The following CDH18 variants were observed in gnomAD, a reference collection of about 807,000 sequenced individuals.
CDH18 encodes cadherin-18.
Under a neutral mutation model 67.9 loss-of-function variants are expected in CDH18, and 31 were observed. That is an observed-to-expected ratio of 0.46 (90% CI 0.34 to 0.62). The LOEUF (loss-of-function observed/expected upper bound fraction) is 0.62, where lower values mean the gene tolerates loss of function less well. Ranked by LOEUF, CDH18 falls within the 20% of genes least tolerant of loss-of-function variation. The pLI, the probability that CDH18 is intolerant of heterozygous loss-of-function variation, is 0.01. For missense variants in CDH18, 890 were observed against 975.5 expected (o/e 0.91, Z 1.17); for synonymous variants, 362 against 347.2 (o/e 1.04, Z -0.48).
At chr5:20,264,311 A>C (rs1459618737) in intron 1 of CDH18, among the ~76,000 whole-genome samples, 1 of 152,080 alleles carries the variant, frequency 6.6e-6, no homozygotes, top group Non-Finnish European at 1.5e-5. Context: ...AATCTTAATC[A>C]AAAAATGCTT....
At chr5:19,845,708 T>A (rs765008314) in intron 2 of CDH18, among the ~76,000 whole-genome samples, 7 of 151,748 alleles carry the variant, frequency 4.6e-5, no homozygotes, top group Non-Finnish European at 8.8e-5. Context: ...TATATATTTA[T>A]AATTGTTTTT....
intron 3 of CDH18, among the ~76,000 whole-genome samples, chr5:19,748,095 A>T (rs980879787): frequency 8.0e-6 from 1 of 125,312 alleles, no homozygotes; most frequent in African/African-American, 2.8e-5. Context: ...GCTGGGAGAC[A>T]GAGCGAGACT....
intron 1 of CDH18, among the ~76,000 whole-genome samples, chr5:20,315,170 T>C (rs1283944342): frequency 6.6e-6 from 1 of 152,076 alleles, no homozygotes; most frequent in Non-Finnish European, 1.5e-5. Context: ...CACTACCATC[T>C]ACCCAATTTC....
At chr5:19,676,154 A>G (rs1759456861) in intron 5 of CDH18, among the ~76,000 whole-genome samples, 1 of 152,208 alleles carries the variant, frequency 6.6e-6, no homozygotes, top group Admixed American at 6.6e-5. Context: ...AATAAAGAAT[A>G]AAAAATAAAG....
At chr5:20,454,291 T>C (rs2150211818) in intron 1 of CDH18, among the ~76,000 whole-genome samples, 1 of 152,254 alleles carries the variant, frequency 6.6e-6, no homozygotes, top group East Asian at 1.9e-4. Context: ...TGATTGCTTA[T>C]ATTTATTTCT....
intron 2 of CDH18, among the ~76,000 whole-genome samples, chr5:19,978,540 C>T (rs1006490538): frequency 2.6e-5 from 4 of 152,092 alleles, no homozygotes; most frequent in African/African-American, 7.2e-5. Context: ...TTTAAAAAAA[C>T]ACTAAGTTAT....
At chr5:20,238,083 G>GA (rs763607917) in intron 2 of CDH18, among the ~76,000 whole-genome samples, 53 of 151,882 alleles carry the variant, frequency 3.5e-4, no homozygotes, top group Non-Finnish European at 5.5e-4. Flanking sequence ...ACAATTCTAG[G>GA]AAAAAAATCG....
chr5:19,875,975 T>C (rs1262594942), intron 2 of CDH18, among the ~76,000 whole-genome samples: 2 of 152,110 alleles, frequency 1.3e-5, no homozygotes, highest in African/African-American at 4.8e-5. Flanking sequence ...ATATAGAGGT[T>C]TTTTTATTTC....
intron 12 of CDH18, among the ~76,000 whole-genome samples, chr5:19,481,427 A>G (rs1739403884): frequency 6.6e-6 from 1 of 152,214 alleles, no homozygotes; most frequent in African/African-American, 2.4e-5. Context: ...CAGGTCTGTT[A>G]TAAGTATGCT....
At chr5:20,507,667 T>C (rs1173986464) in intron 1 of CDH18, among the ~76,000 whole-genome samples, 1 of 152,054 alleles carries the variant, frequency 6.6e-6, no homozygotes, top group East Asian at 1.9e-4. Flanking sequence ...CATAGAAAAT[T>C]CTAGGTTCTA....
chr5:19,712,165 G>A (rs1764783669), intron 5 of CDH18, among the ~76,000 whole-genome samples: 1 of 152,030 alleles, frequency 6.6e-6, no homozygotes, highest in Admixed American at 6.6e-5. Flanking sequence ...AGGGTGGGCA[G>A]GAATGAGGAA....
At chr5:19,897,167 A>G (rs1279502999) in intron 2 of CDH18, among the ~76,000 whole-genome samples, 1 of 152,188 alleles carries the variant, frequency 6.6e-6, no homozygotes, top group East Asian at 1.9e-4. Flanking sequence ...GGGTGAAATA[A>G]TATATTTGCC....
intron 2 of CDH18, among the ~76,000 whole-genome samples, chr5:19,862,712 A>C (rs1215784345): frequency 6.6e-6 from 1 of 152,222 alleles, no homozygotes; most frequent in Non-Finnish European, 1.5e-5. Flanking sequence ...CAAGAAACTT[A>C]AGCCTATCTA....
At chr5:20,170,689 G>T (rs1453617495) in intron 2 of CDH18, among the ~76,000 whole-genome samples, 5 of 151,972 alleles carry the variant, frequency 3.3e-5, no homozygotes, top group Non-Finnish European at 7.4e-5. Flanking sequence ...ACAAAATTTT[G>T]GTGGTTGTTG....
At chr5:19,485,061 C>A (rs553680450) in intron 11 of CDH18, among the ~76,000 whole-genome samples, 1 of 151,878 alleles carries the variant, frequency 6.6e-6, no homozygotes, top group Non-Finnish European at 1.5e-5. Flanking sequence ...TTGTACATTG[C>A]TAAATTAACA....
chr5:19,823,504 C>T (rs559877260), intron 3 of CDH18, among the ~76,000 whole-genome samples: 2 of 152,218 alleles, frequency 1.3e-5, no homozygotes, highest in East Asian at 3.9e-4. Context: ...CCCTAACTTC[C>T]CACAACACAA....
chr5:20,549,655 C>A (rs949905858), intron 1 of CDH18, among the ~76,000 whole-genome samples: 2 of 152,062 alleles, frequency 1.3e-5, no homozygotes, highest in East Asian at 3.9e-4. Context: ...TATTATTTCA[C>A]TACTGAGTAA....
intron 1 of CDH18, among the ~76,000 whole-genome samples, chr5:20,502,008 A>T (rs912303398): frequency 2.0e-5 from 3 of 151,982 alleles, no homozygotes; most frequent in Non-Finnish European, 4.4e-5. Flanking sequence ...AGGTCATATA[A>T]ACTTGTCAGA....
intron 4 of CDH18, among the ~76,000 whole-genome samples, chr5:19,732,180 C>T (rs184884403): frequency 1.1e-4 from 17 of 151,778 alleles, no homozygotes; most frequent in Non-Finnish European, 1.9e-4. Context: ...AGCCTCATAC[C>T]TATAATCACA....
Sources: allele counts gnomAD v4.1 joint callset (sites outside exome capture counted in the v4.1 genomes callset), GRCh38; gene constraint gnomAD v4.1.1; transcripts MANE v1.5; gene names NCBI Gene and HGNC (gene_info 2026-07-23, HGNC 2026-07-21).